EDIL3: variants seen among roughly 807,000 people sequenced by gnomAD.
EDIL3 encodes EGF like and discoidin domains 3.
EDIL3 carries 37 observed loss-of-function variants against 67.4 expected under a neutral mutation model. The observed-to-expected ratio is 0.55, with a 90% CI of 0.42 to 0.72. The LOEUF is 0.72. Ranked by LOEUF, EDIL3 falls within the 30% of genes least tolerant of loss-of-function variation. The pLI is 0.00. For missense variants in EDIL3, 527 were observed against 586.3 expected (o/e 0.90, Z 1.04); for synonymous variants, 195 against 196.3 (o/e 0.99, Z 0.05).
Position 84,351,123 on chromosome 5 carries a change from A to G in EDIL3, c.67+33185T>C, listed in dbSNP as rs1316345612. Among the ~76,000 whole-genome samples the G allele has an allele frequency of 4.6e-5, 7 of 152,134 alleles. No homozygotes were observed. The East Asian group carries it at 1.4e-3, about 29-fold the overall frequency. On this transcript the variant is annotated intron_variant, in intron 1 of 10. Transcript: ENST00000296591. ...ATCCATCCCTCATTATTTTCCTTTA[A>G]ATTAGCTTTTTAGGGTATTAAAAAG...
At chr5:84,312,544 C>T (rs1292477522) in intron 1 of EDIL3, among the ~76,000 whole-genome samples, 2 of 145,440 alleles carry the variant, frequency 1.4e-5, no homozygotes, top group African/African-American at 5.2e-5. Flanking sequence ...ACAGGGGTGG[C>T]TGGCCTGGCG....
intron 2 of EDIL3, among the ~76,000 whole-genome samples, chr5:84,237,548 A>G (rs1744705912): frequency 1.3e-5 from 2 of 152,160 alleles, no homozygotes; most frequent in South Asian, 4.1e-4. Context: ...TCTTTAGTGA[A>G]TAATACTTGG....
intron 1 of EDIL3, among the ~76,000 whole-genome samples, chr5:84,286,513 T>G (rs894543991): frequency 2.0e-5 from 3 of 152,210 alleles, no homozygotes; most frequent in Admixed American, 2.0e-4. Flanking sequence ...AGTTACACTA[T>G]GAATCAAGAC....
intron 2 of EDIL3, among the ~76,000 whole-genome samples, chr5:84,241,249 C>T (rs546111411): frequency 1.1e-4 from 17 of 152,262 alleles, no homozygotes; most frequent in Admixed American, 1.1e-3. Context: ...TCCATGAAGG[C>T]TCAATACACA....
At chr5:84,357,457 C>A (rs750895179) in intron 1 of EDIL3, among the ~76,000 whole-genome samples, 13 of 152,106 alleles carry the variant, frequency 8.5e-5, no homozygotes, top group Non-Finnish European at 1.8e-4. Flanking sequence ...TTATCTCTAG[C>A]AATATTAAAC....
chr5:84,042,716 T>C (rs1419783022), intron 9 of EDIL3, among the ~76,000 whole-genome samples: 1 of 152,188 alleles, frequency 6.6e-6, no homozygotes, highest in Non-Finnish European at 1.5e-5. Context: ...GATATCTTGT[T>C]ATTCAAAGAG....
At chr5:84,004,545 C>A (rs1320095971) in intron 9 of EDIL3, among the ~76,000 whole-genome samples, 1 of 151,806 alleles carries the variant, frequency 6.6e-6, no homozygotes, top group Non-Finnish European at 1.5e-5. Context: ...CTCTTAAAAC[C>A]ATAAAATTAC....
intron 9 of EDIL3, among the ~76,000 whole-genome samples, chr5:84,054,271 A>C (rs931393547): frequency 2.0e-5 from 3 of 152,226 alleles, no homozygotes; most frequent in African/African-American, 4.8e-5. Flanking sequence ...CTTCATGCTA[A>C]AAACTCTCAA....
chr5:84,171,857 G>T (rs1486476371), intron 4 of EDIL3, among the ~76,000 whole-genome samples: 1 of 152,160 alleles, frequency 6.6e-6, no homozygotes, highest in Non-Finnish European at 1.5e-5. Flanking sequence ...TCTGGGGTGA[G>T]AGCCAGGCAT....
chr5:83,954,849 C>A (rs551743681), intron 10 of EDIL3, among the ~76,000 whole-genome samples: 1 of 151,864 alleles, frequency 6.6e-6, no homozygotes, highest in South Asian at 2.1e-4. Context: ...TTTTTCTATT[C>A]AAAATGCTAA....
intron 1 of EDIL3, among the ~76,000 whole-genome samples, chr5:84,338,753 T>C (rs1458654712): frequency 6.6e-6 from 1 of 152,104 alleles, no homozygotes; most frequent in Non-Finnish European, 1.5e-5. Context: ...AACCTTTTAC[T>C]AGGAAAAGAA....
intron 10 of EDIL3, among the ~76,000 whole-genome samples, chr5:83,953,315 T>C (rs1047656570): frequency 6.6e-6 from 1 of 151,830 alleles, no homozygotes; most frequent in Non-Finnish European, 1.5e-5. Flanking sequence ...ATGCTAGACC[T>C]AAGCTGAGCA....
chr5:84,024,126 A>G (rs1294599020), intron 9 of EDIL3, among the ~76,000 whole-genome samples: 1 of 152,160 alleles, frequency 6.6e-6, no homozygotes. Context: ...CAAAATTTGT[A>G]AGTATACTTC....
intron 9 of EDIL3, among the ~76,000 whole-genome samples, chr5:84,045,856 T>C (rs1746214071): frequency 6.6e-6 from 1 of 152,208 alleles, no homozygotes; most frequent in Non-Finnish European, 1.5e-5. Flanking sequence ...AGCAAATCAA[T>C]ACTTCATAAA....
intron 3 of EDIL3, among the ~76,000 whole-genome samples, chr5:84,213,830 T>G (rs1222583261): frequency 1.3e-5 from 2 of 152,216 alleles, no homozygotes; most frequent in Non-Finnish European, 2.9e-5. Context: ...CCACGTAATC[T>G]TGAAAATAAA....
At chr5:84,151,865 G>T (rs1220190061) in intron 4 of EDIL3, among the ~76,000 whole-genome samples, 2 of 151,248 alleles carry the variant, frequency 1.3e-5, no homozygotes, top group Non-Finnish European at 1.5e-5. Flanking sequence ...TTTCATACAG[G>T]AACTATGAAA....
chr5:84,315,821 G>C (rs1213707565), intron 1 of EDIL3, among the ~76,000 whole-genome samples: 1 of 152,058 alleles, frequency 6.6e-6, no homozygotes, highest in African/African-American at 2.4e-5. Flanking sequence ...GATTCACCCA[G>C]GTTGAAATGA....
At chr5:84,324,558 T>G (rs1486605108) in intron 1 of EDIL3, among the ~76,000 whole-genome samples, 1 of 150,424 alleles carries the variant, frequency 6.6e-6, no homozygotes, top group Non-Finnish European at 1.5e-5. Flanking sequence ...CAGGAAACAG[T>G]AAAGGTTATA....
intron 9 of EDIL3, among the ~76,000 whole-genome samples, chr5:83,982,518 C>T (rs1006898048): frequency 1.3e-5 from 2 of 152,016 alleles, no homozygotes; most frequent in Admixed American, 1.3e-4. Flanking sequence ...ATATTTCCTC[C>T]TTTTTCTGAG....
Sources: gnomAD v4.1 joint callset for allele counts (sites outside exome capture counted in the v4.1 genomes callset) on GRCh38, gnomAD v4.1.1 for gene constraint, MANE v1.5 for transcripts, NCBI Gene and HGNC (gene_info 2026-07-23, HGNC 2026-07-21) for gene names.